The following KLF8 variants were observed in gnomAD, a reference collection of about 807,000 sequenced individuals.
The protein encoded by KLF8 is Krueppel-like factor 8.
In KLF8, 10 loss-of-function variants were observed where a neutral mutation model predicts 18.2. The observed-to-expected ratio is 0.55, with a 90% CI of 0.34 to 0.93. The LOEUF (loss-of-function observed/expected upper bound fraction) is 0.93, where lower values mean the gene tolerates loss of function less well. Among genes scored for constraint, KLF8 ranks in the 40% least tolerant of loss-of-function variants. The pLI, the probability that KLF8 is intolerant of heterozygous loss-of-function variation, is 0.02. For missense variants in KLF8, 264 were observed against 277.9 expected, an observed-to-expected ratio of 0.95 and a Z score of 0.36; for synonymous variants, 109 against 97.3, an observed-to-expected ratio of 1.12 and a Z score of -0.71.
the KLF8 span, among the ~76,000 whole-genome samples, chrX:56,126,784 G>T: frequency 6.9e-5 from 6 of 87,537 alleles, no homozygotes; most frequent in South Asian, 3.3e-3. Flanking sequence ...ACGAAGTCTC[G>T]CTCTTGTACC....
the KLF8 span, among the ~76,000 whole-genome samples, chrX:56,204,395 A>G: frequency 3.6e-5 from 4 of 111,418 alleles, no homozygotes; most frequent in African/African-American, 1.3e-4. Context: ...TTCCCTTCCA[A>G]TTTTGATTTC....
At position 56,232,400 on chromosome X, in the gene KLF8, T is replaced by TCCAC. The variant is rs2066411028; in HGVS notation, c.-932_-929dup. 1 of 105,437 alleles carries TCCAC rather than the reference T, an allele frequency of 9.5e-6. No homozygotes were observed. The highest frequency in any genetic ancestry group is 1.9e-5 in the Non-Finnish European group (1 of 51,445). The allele number at this position is 105,437 out of a possible 1,213,427, so 8.7% of individuals were successfully genotyped here. On this transcript the variant is annotated 5_prime_UTR_variant, in exon 1 of 6. Transcript: ENST00000468660. The stretch of plus-strand genomic sequence containing the variant: ...CGGCCGCCTGTCCTTTTTAAGGAAC[T>TCCAC]CCACCCTAGGTGGAGTCCTCACGAT...
At chrX:56,007,584 G>A in the KLF8 span, among the ~76,000 whole-genome samples, 2 of 111,057 alleles carry the variant, frequency 1.8e-5, no homozygotes, top group East Asian at 5.6e-4. Context: ...TGCCTTAGAG[G>A]TTTCCTGTCA....
chrX:55,913,347 A>G, the KLF8 span, among the ~76,000 whole-genome samples: 1 of 111,635 alleles, frequency 9.0e-6, no homozygotes, highest in African/African-American at 3.3e-5. Flanking sequence ...CTAGTTTTTC[A>G]GAATGTGACT....
the KLF8 span, among the ~76,000 whole-genome samples, chrX:55,988,515 TA>T: frequency 1.8e-5 from 2 of 111,576 alleles, no homozygotes; most frequent in Admixed American, 9.5e-5. Flanking sequence ...TAGTTGTAGA[TA>T]TGCGGCATTA....
the KLF8 span, among the ~76,000 whole-genome samples, chrX:56,066,457 T>C: frequency 8.9e-6 from 1 of 112,122 alleles, no homozygotes; most frequent in Non-Finnish European, 1.9e-5. Flanking sequence ...GCAGTAGTTT[T>C]GTTGCTTCCC....
chrX:55,934,921 G>C, the KLF8 span, among the ~76,000 whole-genome samples: 78 of 111,499 alleles, frequency 7.0e-4, no homozygotes, highest in Non-Finnish European at 1.3e-4. Context: ...TTTTGTTGGA[G>C]TTAGGGTTAA....
At chrX:56,189,755 T>G in the KLF8 span, among the ~76,000 whole-genome samples, 1 of 106,216 alleles carries the variant, frequency 9.4e-6, no homozygotes, top group Admixed American at 1.0e-4. Context: ...TCGTTCTCAG[T>G]AAACTATCAC....
the KLF8 span, among the ~76,000 whole-genome samples, chrX:56,136,408 A>G: frequency 9.0e-6 from 1 of 111,199 alleles, no homozygotes; most frequent in African/African-American, 3.3e-5. Flanking sequence ...AAACAGAGAT[A>G]TAGATCAATG....
At chrX:56,185,290 T>A in the KLF8 span, among the ~76,000 whole-genome samples, 1 of 110,871 alleles carries the variant, frequency 9.0e-6, no homozygotes, top group Non-Finnish European at 1.9e-5. Flanking sequence ...GAAGATGAAA[T>A]GAATGAAATG....
At chrX:56,266,252 T>C in intron 3 of KLF8, 1 of 751,677 alleles carries the variant, frequency 1.3e-6, no homozygotes, top group Non-Finnish European at 1.6e-6. Context: ...CTCCTGCCTC[T>C]ACCAATACTT....
At chrX:55,963,958 A>G in the KLF8 span, among the ~76,000 whole-genome samples, 7 of 112,235 alleles carry the variant, frequency 6.2e-5, no homozygotes, top group African/African-American at 2.3e-4. Flanking sequence ...ATAGAAATCA[A>G]TACAAAGAAG....
chrX:55,980,024 G>A, the KLF8 span, among the ~76,000 whole-genome samples: 5 of 111,944 alleles, frequency 4.5e-5, no homozygotes, highest in Non-Finnish European at 9.4e-5. Context: ...AAAGTTTTAA[G>A]GTGCTAGTTA....
At chrX:55,993,390 T>G in the KLF8 span, among the ~76,000 whole-genome samples, 13 of 112,557 alleles carry the variant, frequency 1.2e-4, no homozygotes, top group Non-Finnish European at 2.4e-4. Context: ...TTTTATGTGA[T>G]GAATCACATT....
the KLF8 span, among the ~76,000 whole-genome samples, chrX:56,138,343 A>T: frequency 1.8e-5 from 2 of 111,300 alleles, no homozygotes; most frequent in Admixed American, 1.9e-4. Flanking sequence ...TGATACCAAA[A>T]CATGGCACAG....
Position 56,285,416 on chromosome X carries a change from C to T in KLF8, c.*922C>T, listed in dbSNP as rs898331931. 2.7e-5 allele frequency: 3 copies of T among 111,534 alleles called. No homozygotes were observed. The Admixed American group carries it at 2.9e-4, about 11-fold the overall frequency. The allele number at this position is 111,534 out of a possible 1,213,427, so 9.2% of individuals were successfully genotyped here. A position where few individuals can be genotyped will look rare whatever the true frequency, so the allele number is the denominator to read the frequency against. ...ATCAAAAGTGCTGTTAATCACAAAC[C>T]TCATTCAAATGGCAGGCTGTCGAGA... On this transcript the variant is annotated 3_prime_UTR_variant, in exon 6 of 6. Transcript: ENST00000468660.
At chrX:56,079,528 C>A in the KLF8 span, among the ~76,000 whole-genome samples, 2 of 111,396 alleles carry the variant, frequency 1.8e-5, no homozygotes, top group East Asian at 2.8e-4. Flanking sequence ...AATTTCTGTT[C>A]TTTTACATTT....
the KLF8 span, among the ~76,000 whole-genome samples, chrX:56,208,678 T>A: frequency 9.0e-6 from 1 of 111,550 alleles, no homozygotes; most frequent in Non-Finnish European, 1.9e-5. Context: ...CATTATCATT[T>A]GTTCTAAGAA....
the KLF8 span, among the ~76,000 whole-genome samples, chrX:55,987,953 G>C: frequency 1.3e-4 from 15 of 112,519 alleles, no homozygotes; most frequent in African/African-American, 4.8e-4. Flanking sequence ...GATGGCCAGT[G>C]ATGATGAGCA....
Sources: allele counts gnomAD v4.1 joint callset (sites outside exome capture counted in the v4.1 genomes callset), GRCh38; gene constraint gnomAD v4.1.1; transcripts MANE v1.5; gene names NCBI Gene and HGNC (gene_info 2026-07-23, HGNC 2026-07-21).